Variants in CPQ observed in about 807,000 individuals in gnomAD.
CPQ encodes carboxypeptidase Q.
In CPQ, 37 loss-of-function variants were observed where a neutral mutation model predicts 45.7. That is an observed-to-expected ratio of 0.81 (90% confidence interval 0.62 to 1.07). The LOEUF is 1.07. CPQ is among the 50% of genes least tolerant of loss of function. The pLI is 0.00. For missense variants in CPQ, 537 were observed against 572.9 expected (o/e 0.94, Z 0.64); for synonymous variants, 186 against 205.8 (o/e 0.90, Z 0.82).
At chr8:96,701,712 T>C (rs6986455) in intron 1 of CPQ, among the ~76,000 whole-genome samples, 7,979 of 152,194 alleles carry the variant, frequency 0.052, 265 homozygotes, top group Middle Eastern at 0.12. Flanking sequence ...CTCTTGGCCA[T>C]GTGAATGCGT....
At chr8:96,655,801 G>A (rs910459869) in intron 1 of CPQ, among the ~76,000 whole-genome samples, 3 of 152,188 alleles carry the variant, frequency 2.0e-5, no homozygotes, top group African/African-American at 7.2e-5. Flanking sequence ...TTGTAAAGTT[G>A]TATAGTTGTA....
intron 1 of CPQ, among the ~76,000 whole-genome samples, chr8:96,676,749 T>C (rs1809081671): frequency 6.6e-6 from 1 of 152,200 alleles, no homozygotes; most frequent in South Asian, 2.1e-4. Flanking sequence ...TTAGTGGTGA[T>C]TTCTGAGATT....
chr8:96,704,755 G>A (rs565208605), intron 1 of CPQ, among the ~76,000 whole-genome samples: 1 of 152,114 alleles, frequency 6.6e-6, no homozygotes. Context: ...AAATCAATCT[G>A]TTGTTCTGTG....
chr8:96,886,749 T>A (rs77789195), intron 4 of CPQ, among the ~76,000 whole-genome samples: 5,910 of 152,292 alleles, frequency 0.039, 190 homozygotes, highest in African/African-American at 0.08. Flanking sequence ...CTTAGTTGAA[T>A]GGTGTATAAA....
chr8:96,710,869 T>A (rs1809598860), intron 1 of CPQ, among the ~76,000 whole-genome samples: 1 of 152,174 alleles, frequency 6.6e-6, no homozygotes, highest in African/African-American at 2.4e-5. Context: ...CAATTTTTTT[T>A]ATAGTGTAGA....
intron 7 of CPQ, among the ~76,000 whole-genome samples, chr8:97,070,032 C>T (rs1810712745): frequency 6.6e-6 from 1 of 152,122 alleles, no homozygotes; most frequent in Admixed American, 6.6e-5. Flanking sequence ...GACAGAATAA[C>T]TGTCAACATT....
chr8:97,045,213 C>T lies in CPQ; in HGVS notation c.1053+15719C>T, dbSNP rs547593875. On this transcript the variant is annotated intron_variant, in intron 6 of 7. Transcript: ENST00000220763. ...ATGGTGGGCGCCCCTCCCCCAGCCT[C>T]GCTGCCGCCTTGCAGTTTGATCTCA... 2.0e-4 allele frequency among the ~76,000 whole-genome samples: 30 copies of T among 152,286 alleles called. No individual in the cohort carries two copies. In the East Asian group the frequency reaches 4.4e-3, roughly 23 times the overall value.
intron 2 of CPQ, among the ~76,000 whole-genome samples, chr8:96,804,751 A>T (rs1290227667): frequency 6.6e-6 from 1 of 151,860 alleles, no homozygotes; most frequent in Non-Finnish European, 1.5e-5. Context: ...TCTTACTATG[A>T]TTCAAAGGAC....
chr8:97,048,101 T>C (rs1336167792), intron 6 of CPQ, among the ~76,000 whole-genome samples: 4 of 152,224 alleles, frequency 2.6e-5, no homozygotes, highest in African/African-American at 9.6e-5. Flanking sequence ...CTGTGCTATA[T>C]TTAAAGATCT....
chr8:96,746,658 G>A (rs914809597), intron 1 of CPQ, among the ~76,000 whole-genome samples: 14 of 152,136 alleles, frequency 9.2e-5, no homozygotes, highest in Non-Finnish European at 1.5e-4. Context: ...TGTACCTCTC[G>A]AGGTATCCAG....
chr8:96,820,071 T>C (rs1811280911), intron 2 of CPQ, among the ~76,000 whole-genome samples: 1 of 152,122 alleles, frequency 6.6e-6, no homozygotes, highest in Non-Finnish European at 1.5e-5. Context: ...ATTGTCACTC[T>C]TCTTCAATTA....
intron 2 of CPQ, among the ~76,000 whole-genome samples, chr8:96,798,095 C>A (rs982082232): frequency 2.6e-5 from 4 of 151,548 alleles, no homozygotes; most frequent in Non-Finnish European, 5.9e-5. Flanking sequence ...TTTTTTATAC[C>A]CTTTCCCTTT....
intron 1 of CPQ, among the ~76,000 whole-genome samples, chr8:96,699,496 T>G (rs1809428347): frequency 2.0e-5 from 3 of 152,176 alleles, no homozygotes; most frequent in Admixed American, 2.0e-4. Context: ...ATAATTGGAT[T>G]ACTTGTTACA....
chr8:97,035,442 G>C (rs1325210271), intron 6 of CPQ, among the ~76,000 whole-genome samples: 1 of 152,176 alleles, frequency 6.6e-6, no homozygotes, highest in Non-Finnish European at 1.5e-5. Flanking sequence ...AGAAACTGCT[G>C]AAGAGGTGGG....
chr8:96,924,469 C>G (rs1812847154), intron 4 of CPQ, among the ~76,000 whole-genome samples: 7 of 152,168 alleles, frequency 4.6e-5, no homozygotes, highest in Admixed American at 4.6e-4. Flanking sequence ...TGACATTAAT[C>G]ATGCCCATTT....
At chr8:97,066,306 A>T in intron 7 of CPQ, 96 bp downstream of exon 7, 2 of 1,120,666 alleles carry the variant, frequency 1.8e-6, no homozygotes, top group Non-Finnish European at 2.5e-6. Flanking sequence ...CTAGTAGGCC[A>T]GGTTGTCCAC....
intron 4 of CPQ, among the ~76,000 whole-genome samples, chr8:96,880,720 T>G (rs994034121): frequency 4.0e-5 from 6 of 151,584 alleles, no homozygotes; most frequent in Non-Finnish European, 7.4e-5. Context: ...TGGGAGCTAA[T>G]CATTGGGTAC....
chr8:96,928,510 C>T (rs1484730881), intron 4 of CPQ, among the ~76,000 whole-genome samples: 5 of 151,720 alleles, frequency 3.3e-5, no homozygotes, highest in East Asian at 3.9e-4. Flanking sequence ...GATTTGTGGG[C>T]GAAACATGTT....
intron 6 of CPQ, among the ~76,000 whole-genome samples, chr8:97,048,257 A>G (rs1240749914): frequency 6.6e-6 from 1 of 152,202 alleles, no homozygotes; most frequent in Non-Finnish European, 1.5e-5. Context: ...AAGTAATACA[A>G]TTTAGAAGAT....
Sources: gnomAD v4.1 joint callset for allele counts (sites outside exome capture counted in the v4.1 genomes callset) on GRCh38, gnomAD v4.1.1 for gene constraint, MANE v1.5 for transcripts, NCBI Gene and HGNC (gene_info 2026-07-23, HGNC 2026-07-21) for gene names.